GORAB: variants seen among roughly 807,000 people sequenced by gnomAD.
The protein encoded by GORAB is golgin, RAB6 interacting, also known as RAB6-interacting golgin.
A neutral mutation model predicts 29.9 loss-of-function variants in GORAB; 17 were observed. The ratio of observed to expected loss-of-function variants is 0.57; its 90% CI spans 0.39 to 0.85. GORAB has a LOEUF of 0.85. Ranked by LOEUF, GORAB falls within the 40% of genes least tolerant of loss-of-function variation. The pLI, the probability that GORAB is intolerant of heterozygous loss-of-function variation, is 0.00. For missense variants in GORAB, 442 were observed against 437.8 expected (o/e 1.01, Z -0.09); for synonymous variants, 183 against 157.2 (o/e 1.16, Z -1.23).
rs1042843933 is a variant in GORAB at position 170,553,021 on chromosome 1, A to G, written c.*559A>G. 5 of 453,660 alleles carry G rather than the reference A, an allele frequency of 1.1e-5. No homozygotes were observed. The highest frequency in any genetic ancestry group is 8.0e-5 in the African/African-American group (4 of 50,002). 28.1% of individuals were successfully genotyped at this position (453,660 alleles called of 1,614,324 possible). ...TGGAATTTATGTGAAGAACCAAACA[A>G]CTTAAACCAGCATCACTTTTGTCTT... On this transcript the variant is annotated 3_prime_UTR_variant, in exon 5 of 5. Coordinates refer to ENST00000367763, the MANE Select transcript of GORAB (RefSeq NM_152281.3).
At chr1:170,535,348 C>T (rs947842116) in intron 1 of GORAB, among the ~76,000 whole-genome samples, 14 of 152,082 alleles carry the variant, frequency 9.2e-5, no homozygotes, top group South Asian at 4.2e-4. Flanking sequence ...GAGTGTAACA[C>T]ATGCATATAT....
rs1281075312 is a variant in GORAB, at chr1:170,535,341, T to A, written c.61+3057T>A. On this transcript the variant is annotated intron_variant, in intron 1 of 4. Coordinates refer to ENST00000367763, the MANE Select transcript of GORAB (RefSeq NM_152281.3). ...AAGACTGAGTGTGTGTGTTTATGAG[T>A]GTAACACATGCATATATTTGATGTA... Among the ~76,000 whole-genome samples the A allele has an allele frequency of 2.0e-5, 3 of 152,318 alleles. No individual in the cohort carries two copies. The East Asian group carries it at 5.8e-4, about 29-fold the overall frequency.
intron 2 of GORAB, among the ~76,000 whole-genome samples, chr1:170,541,984 A>C (rs2101824299): frequency 6.6e-6 from 1 of 152,332 alleles, no homozygotes; most frequent in Non-Finnish European, 1.5e-5. Flanking sequence ...AAAAAGTCTT[A>C]AGAGTTGGGA....
chr1:170,544,986 C>A, intron 4 of GORAB, 141 bp downstream of exon 4: 1 of 1,402,704 alleles, frequency 7.1e-7, no homozygotes, highest in Non-Finnish European at 9.3e-7. Flanking sequence ...TTCTTTTGTG[C>A]TAATTCAAGT....
Position 170,544,753 on chromosome 1 carries a change from G to A in GORAB, c.570G>A (p.Lys190=). ...AETMKLKRIQ[K]ELQALDDMVS... ...CCATGAAACTAAAGCGGATCCAGAA[G>A]GAGTTGCAGGCTTTAGATGACATGG... The change falls in exon 4 of 5, where the codon AAG becomes AAA. Residue 190 remains lysine, a synonymous_variant. Transcript: ENST00000367763. The A allele has an allele frequency of 2.5e-6, 4 of 1,613,962 alleles. No individual in the cohort carries two copies. The highest frequency in any genetic ancestry group is 3.4e-6 in the Non-Finnish European group (4 of 1,179,874).
intron 1 of GORAB, among the ~76,000 whole-genome samples, chr1:170,537,931 TA>T (rs1220956273): frequency 1.3e-5 from 2 of 152,208 alleles, no homozygotes; most frequent in African/African-American, 4.8e-5. Flanking sequence ...AACAGGGAGA[TA>T]AGCAGGCTAA....
In GORAB at chr1:170,539,485, G is replaced by T; in HGVS notation, c.337G>T (p.Glu113Ter). ...IESQPKELGL[E>*]NSHDGHNNVE... Reference sequence around the variant, plus strand: ...AAGTCAGCCAAAGGAACTGGGACTTGAGAATTCCCATGATGGTCACAACAA... The same window carrying T: ...AAGTCAGCCAAAGGAACTGGGACTTTAGAATTCCCATGATGGTCACAACAA... Residue 113 changes from glutamate (E) to a stop codon, truncating the protein, a stop_gained, in exon 2 of 5, where the codon GAG (glutamate) becomes TAG (stop). Transcript: ENST00000367763. LOFTEE classifies it high-confidence loss of function. 1.2e-6 allele frequency: 2 copies of T among 1,614,064 alleles called. No individual in the cohort carries two copies. Among genetic ancestry groups the T allele is most frequent in the Non-Finnish European group, 1.7e-6 (2 of 1,179,944 alleles).
At chr1:170,541,064 C>T (rs1408134607) in intron 2 of GORAB, among the ~76,000 whole-genome samples, 8 of 151,870 alleles carry the variant, frequency 5.3e-5, no homozygotes, top group Non-Finnish European at 1.0e-4. Context: ...ATTAGCTGGG[C>T]GTGGTGGTGC....
Position 170,539,294 on chromosome 1 carries a change from A to G in GORAB, c.146A>G (p.Gln49Arg). The G allele has an allele frequency of 6.2e-7, 1 of 1,614,200 alleles. No individual in the cohort carries two copies. The highest frequency in any genetic ancestry group is 8.5e-7 in the Non-Finnish European group (1 of 1,180,010). ...QREKALVEQSQKLGLQDGSTS... is the reference protein window; with the variant it reads ...QREKALVEQSRKLGLQDGSTS... The stretch of plus-strand genomic sequence containing the variant: ...GAAAAAGCCCTTGTAGAGCAAAGCC[A>G]AAAACTTGGGCTTCAAGATGGATCA... The change falls in exon 2 of 5, where the codon CAA (glutamine) becomes CGA (arginine). Residue 49 changes from glutamine (Q) to arginine (R), a missense_variant. Coordinates refer to ENST00000367763, the MANE Select transcript of GORAB (RefSeq NM_152281.3).
intron 4 of GORAB, among the ~76,000 whole-genome samples, chr1:170,546,251 G>T (rs968526020): frequency 6.6e-6 from 1 of 152,060 alleles, no homozygotes; most frequent in Non-Finnish European, 1.5e-5. Flanking sequence ...TTAGCTGGGC[G>T]TGGTGGTGGG....
chr1:170,547,575 G>GT (rs1157132286), intron 4 of GORAB, among the ~76,000 whole-genome samples: 2 of 152,104 alleles, frequency 1.3e-5, no homozygotes, highest in African/African-American at 4.8e-5. Context: ...GACCATCTAG[G>GT]TTTCATAGAC....
intron 1 of GORAB, 163 bp downstream of exon 1, chr1:170,532,447 C>T (rs549855108): frequency 1.3e-6 from 1 of 743,706 alleles, no homozygotes. Flanking sequence ...GGAGGACTTA[C>T]TGGGAGTCAC....
intron 1 of GORAB, among the ~76,000 whole-genome samples, chr1:170,538,313 A>C (rs1649180203): frequency 6.6e-6 from 1 of 152,190 alleles, no homozygotes; most frequent in African/African-American, 2.4e-5. Context: ...CAATATGCCA[A>C]ATTTGAAAGT....
At chr1:170,545,130 G>A (rs752353122) in intron 4 of GORAB, 212 of 1,084,408 alleles carry the variant, frequency 2.0e-4, no homozygotes, top group Non-Finnish European at 2.2e-4. Flanking sequence ...TTAATGTTTG[G>A]AAGTGTTTTT....
chr1:170,539,426 C>T lies in GORAB; in HGVS notation c.278C>T (p.Ser93Phe), dbSNP rs775398638. 1.9e-6 allele frequency: 3 copies of T among 1,613,984 alleles called. No individual in the cohort carries two copies. Among genetic ancestry groups the T allele is most frequent in the Admixed American group, 1.7e-5 (1 of 60,002 alleles). ...CTTCCGAGTCATTTCACTCTCACCTCCCCCGTTGGTGATGGACAACCACAG... is the reference window on the plus strand; with the variant it reads ...CTTCCGAGTCATTTCACTCTCACCTTCCCCGTTGGTGATGGACAACCACAG... ...PTLPSHFTLT[S>F]PVGDGQPQGI... The change falls in exon 2 of 5, where the codon TCC becomes TTC. Residue 93 changes from serine to phenylalanine, a missense_variant. Ser to Phe is a radical substitution (Grantham distance 155). Coordinates refer to ENST00000367763, the MANE Select transcript of GORAB (RefSeq NM_152281.3).
chr1:170,546,334 G>A (rs930009582), intron 4 of GORAB, among the ~76,000 whole-genome samples: 12 of 151,968 alleles, frequency 7.9e-5, no homozygotes, highest in South Asian at 2.1e-4. Flanking sequence ...ATCTTGCAGT[G>A]AGCCAAGATT....
chr1:170,551,622 T>G (rs1333588192), intron 4 of GORAB, among the ~76,000 whole-genome samples: 1 of 152,206 alleles, frequency 6.6e-6, no homozygotes, highest in Admixed American at 6.5e-5. Context: ...TAATATCACG[T>G]TGGTGGCTTG....
At chr1:170,539,675 A>G in intron 2 of GORAB, 108 bp downstream of exon 2, 1 of 1,168,988 alleles carries the variant, frequency 8.6e-7, no homozygotes, top group South Asian at 1.5e-5. Flanking sequence ...TCTCTCCTTT[A>G]TATTCATTCA....
At chr1:170,533,839 C>A (rs1176254881) in intron 1 of GORAB, among the ~76,000 whole-genome samples, 1 of 152,160 alleles carries the variant, frequency 6.6e-6, no homozygotes. Flanking sequence ...ATCTTAACCT[C>A]CTTGTATACC....
Sources: allele counts gnomAD v4.1 joint callset (sites outside exome capture counted in the v4.1 genomes callset), GRCh38; gene constraint gnomAD v4.1.1; transcripts MANE v1.5; gene names NCBI Gene and HGNC (gene_info 2026-07-23, HGNC 2026-07-21).